ZCCHC8: variants seen among roughly 807,000 people sequenced by gnomAD.
ZCCHC8 encodes zinc finger CCHC domain-containing protein 8.
In ZCCHC8, 27 loss-of-function variants were observed where a neutral mutation model predicts 70.6. The observed-to-expected ratio is 0.38, with a 90% CI of 0.28 to 0.53. ZCCHC8 has a LOEUF of 0.53. ZCCHC8 is among the 20% of genes least tolerant of loss of function. ZCCHC8 has a pLI of 0.81. For missense variants in ZCCHC8, 737 were observed against 876.9 expected, an observed-to-expected ratio of 0.84 and a Z score of 2.01; for synonymous variants, 293 against 317.4, an observed-to-expected ratio of 0.92 and a Z score of 0.82.
rs1436835681 is a variant in ZCCHC8 at position 122,473,823 on chromosome 12, C to T, written c.1798G>A (p.Asp600Asn). Residue 600 changes from aspartate (D) to asparagine (N), a missense_variant, in exon 14 of 14, where the codon GAC becomes AAC. Transcript: ENST00000633063. ...KSEAGHASSP[D>N]SEVTSLCQKE... The stretch of plus-strand genomic sequence containing the variant: ...TGACAAAGTGATGTCACCTCAGAGT[C>T]TGGACTGGAGGCATGTCCAGCTTCT... The T allele has an allele frequency of 6.2e-7, 1 of 1,613,786 alleles. No homozygotes were observed. The highest frequency in any genetic ancestry group is 1.1e-5 in the South Asian group (1 of 91,058).
At position 122,498,822 on chromosome 12, in the gene ZCCHC8, C is replaced by T. The variant is rs1957870790; in HGVS notation, c.242+5G>A. ...AACTATGGAGTAATTTCAAAAATCT[C>T]ATACCTCGGTCGAGTCAGAATGTTC... On this transcript the variant is annotated splice_donor_5th_base_variant and intron_variant, in intron 2 of 13. Transcript: ENST00000633063. 14 of 1,613,114 alleles carry T rather than the reference C, an allele frequency of 8.7e-6. No homozygotes were observed. The highest frequency in any genetic ancestry group is 2.2e-5 in the East Asian group (1 of 44,798).
chr12:122,497,684 A>C (rs1265771171), intron 2 of ZCCHC8, among the ~76,000 whole-genome samples: 3 of 152,134 alleles, frequency 2.0e-5, no homozygotes, highest in Non-Finnish European at 4.4e-5. Context: ...ATAAATATAT[A>C]TTTTGAGATA....
intron 2 of ZCCHC8, among the ~76,000 whole-genome samples, chr12:122,494,593 C>CG (rs1285186547): frequency 7.1e-6 from 1 of 141,082 alleles, no homozygotes; most frequent in African/African-American, 2.6e-5. Context: ...CGGTGGCTCA[C>CG]GCCTGTAATC....
chr12:122,492,823 T>C (rs185368025), intron 2 of ZCCHC8, 34 bp from the exon 3 acceptor site: 60 of 1,408,562 alleles, frequency 4.3e-5, no homozygotes, highest in Middle Eastern at 3.5e-4. Flanking sequence ...TCTTAGAAGA[T>C]ATTTAAGTAA....
intron 5 of ZCCHC8, among the ~76,000 whole-genome samples, chr12:122,486,663 G>A (rs1329483959): frequency 6.6e-6 from 1 of 151,870 alleles, no homozygotes; most frequent in Non-Finnish European, 1.5e-5. Context: ...TCTGTCTCCC[G>A]GGTTCTAGCG....
chr12:122,500,644 T>C lies in ZCCHC8; in HGVS notation c.197A>G (p.Glu66Gly). 5.7e-6 allele frequency: 9 copies of C among 1,568,652 alleles called. No individual in the cohort carries two copies. Among genetic ancestry groups the C allele is most frequent in the Non-Finnish European group, 7.8e-6 (9 of 1,158,812 alleles). ...GGCCCAGCGAGAGGAAAGGATATTC[T>C]CGGCGCGGAGCTGCTCGATGGTCTC... ...CEETIEQLRA[E>G]NQELKRKLNI... is the part of the protein sequence containing the mutation. The change falls in exon 1 of 14, where the codon GAG becomes GGG. Residue 66 changes from glutamate to glycine, a missense_variant and splice_region_variant. Glu to Gly is a moderately conservative substitution (Grantham distance 98, BLOSUM62 -2). Coordinates refer to ENST00000633063, the MANE Select transcript of ZCCHC8 (RefSeq NM_017612.5). The surrounding 1 kb of genome is among the most constrained non-coding windows in gnomAD (Gnocchi z 4.8).
In ZCCHC8 at chr12:122,472,739, G is replaced by A. The variant is rs1369893466; in HGVS notation, c.*758C>T. 2.0e-5 allele frequency: 3 copies of A among 152,118 alleles called. No homozygotes were observed. The highest frequency in any genetic ancestry group is 3.9e-4 in the East Asian group (2 of 5,172). The allele number at this position is 152,118 out of a possible 1,614,324, so 9.4% of individuals were successfully genotyped here. A position where few individuals can be genotyped will look rare whatever the true frequency, so the allele number is the denominator to read the frequency against. On this transcript the variant is annotated 3_prime_UTR_variant, in exon 14 of 14. Transcript: ENST00000633063. ...CTCCGGAGGCTGAGGCAGGAGAATC[G>A]CTTAAACTCGGGAGGCGGAGGTTGC...
chr12:122,495,954 G>A (rs1214501546), intron 2 of ZCCHC8, among the ~76,000 whole-genome samples: 2 of 149,296 alleles, frequency 1.3e-5, no homozygotes, highest in Non-Finnish European at 3.0e-5. Context: ...GATCACTTGA[G>A]CCTAGGAGTT....
At chr12:122,479,551 G>A (rs921927587) in intron 11 of ZCCHC8, among the ~76,000 whole-genome samples, 1 of 152,100 alleles carries the variant, frequency 6.6e-6, no homozygotes, top group Admixed American at 6.6e-5. Context: ...AATATATTTA[G>A]ATTTATTATA....
At chr12:122,488,174 G>T (rs996703703) in intron 5 of ZCCHC8, among the ~76,000 whole-genome samples, 1 of 152,054 alleles carries the variant, frequency 6.6e-6, no homozygotes, top group Non-Finnish European at 1.5e-5. Context: ...TGGGACTACA[G>T]GTGTGCACCA....
intron 12 of ZCCHC8, 111 bp downstream of exon 12, chr12:122,478,095 T>A: frequency 7.9e-7 from 1 of 1,260,088 alleles, no homozygotes; most frequent in South Asian, 1.3e-5. Flanking sequence ...ACTGTTTTCC[T>A]TTTGGTTTGT....
chr12:122,493,791 T>A (rs1957784214), intron 2 of ZCCHC8, among the ~76,000 whole-genome samples: 1 of 152,078 alleles, frequency 6.6e-6, no homozygotes, highest in Admixed American at 6.6e-5. Flanking sequence ...TTTTTTGTAT[T>A]TTTAATAGGG....
At chr12:122,490,638 T>A in intron 3 of ZCCHC8, 71 bp from the exon 4 acceptor site, 1 of 850,652 alleles carries the variant, frequency 1.2e-6, no homozygotes, top group Non-Finnish European at 1.8e-6. Context: ...TCTTATGCAT[T>A]ACTGTAAGAT....
intron 3 of ZCCHC8, among the ~76,000 whole-genome samples, chr12:122,492,392 T>C (rs1957762786): frequency 6.6e-6 from 1 of 152,218 alleles, no homozygotes; most frequent in Non-Finnish European, 1.5e-5. Flanking sequence ...TAGAAGCTAT[T>C]TATTGAGCTC....
chr12:122,490,650 T>TC, intron 3 of ZCCHC8, 83 bp from the exon 4 acceptor site: 1 of 760,116 alleles, frequency 1.3e-6, no homozygotes, highest in Non-Finnish European at 2.0e-6. Context: ...CTGTAAGATT[T>TC]CAAGTGTGAA....
intron 13 of ZCCHC8, among the ~76,000 whole-genome samples, chr12:122,476,978 C>A (rs950698038): frequency 3.9e-4 from 58 of 150,474 alleles, no homozygotes; most frequent in African/African-American, 1.4e-3. Context: ...GCCAAGATCA[C>A]GCCACTGCAC....
At chr12:122,487,533 T>A (rs1471029316) in intron 5 of ZCCHC8, among the ~76,000 whole-genome samples, 1 of 152,186 alleles carries the variant, frequency 6.6e-6, no homozygotes, top group Non-Finnish European at 1.5e-5. Flanking sequence ...AGAAGTGCCA[T>A]TTCACTTGTT....
rs759871715 is a variant in ZCCHC8, at chr12:122,481,558, A to G, written c.982T>C (p.Leu328=). 1.3e-5 allele frequency: 21 copies of G among 1,613,896 alleles called. No homozygotes were observed. Among genetic ancestry groups the G allele is most frequent in the East Asian group, 2.2e-5 (1 of 44,872 alleles). The change falls in exon 10 of 14, where the codon TTG becomes CTG. Residue 328 remains leucine, a synonymous_variant. Transcript: ENST00000633063. Reference sequence around the variant, plus strand: ...TAGAGTGCAAGCCCCGAATTCTCCAATTCAGCCTCTTTGAGCCACCCTGGT... The same window carrying G: ...TAGAGTGCAAGCCCCGAATTCTCCAGTTCAGCCTCTTTGAGCCACCCTGGT... The part of the protein sequence containing the change: ...YPPGWLKEAE[L]ENSGLALYDG...
rs547141944 is a variant in ZCCHC8 at position 122,478,463 on chromosome 12, C to T, written c.1141-171G>A. 1.8e-4 allele frequency: 107 copies of T among 596,918 alleles called. 1 individual carries two copies. In the South Asian group the frequency reaches 2.2e-3, roughly 12 times the overall value. 37.0% of individuals were successfully genotyped at this position (596,918 alleles called of 1,614,324 possible). On this transcript the variant is annotated intron_variant, in intron 11 of 13. Transcript: ENST00000633063. Reference sequence around the variant, plus strand: ...AATAATGTGTTGAAGGAAAACTAAACTTGCCTGCAAAATAATTAAGACTGA... The same window carrying T: ...AATAATGTGTTGAAGGAAAACTAAATTTGCCTGCAAAATAATTAAGACTGA...
Sources: gnomAD v4.1 joint callset for allele counts (sites outside exome capture counted in the v4.1 genomes callset) on GRCh38, gnomAD v4.1.1 for gene constraint, Gnocchi (gnomAD v3.1) non-coding constraint, MANE v1.5 for transcripts, NCBI Gene and HGNC (gene_info 2026-07-23, HGNC 2026-07-21) for gene names.